The following KRT83 variants were observed in gnomAD, a reference collection of about 807,000 sequenced individuals.
KRT83 encodes keratin, type II cuticular Hb3.
Under a neutral mutation model 52.9 loss-of-function variants are expected in KRT83, and 51 were observed. The observed-to-expected ratio is 0.96, with a 90% CI of 0.77 to 1.22. KRT83 has a LOEUF of 1.22. Among genes scored for constraint, KRT83 ranks in the 50% most tolerant of loss-of-function variants. The pLI, the probability that KRT83 is intolerant of heterozygous loss-of-function variation, is 0.00. For missense variants in KRT83, 654 were observed against 666.5 expected (o/e 0.98, Z 0.21); for synonymous variants, 278 against 274.1 (o/e 1.01, Z -0.14).
chr12:52,318,056 G>A (rs1565755713), intron 2 of KRT83, 86 bp from the exon 3 acceptor site: 3 of 1,236,872 alleles, frequency 2.4e-6, no homozygotes, highest in Non-Finnish European at 3.6e-6. Flanking sequence ...CTCTTTCCTA[G>A]ACCTCCCCCT....
intron 4 of KRT83, 25 bp from the exon 5 acceptor site, chr12:52,317,048 A>G (rs1938699640): frequency 6.2e-7 from 1 of 1,614,184 alleles, no homozygotes; most frequent in East Asian, 2.2e-5. Context: ...GAAAGGAAGG[A>G]CAACTCACTT....
At chr12:52,315,539 T>C (rs1199048024) in intron 7 of KRT83, among the ~76,000 whole-genome samples, 196 bp from the exon 8 acceptor site, 11 of 152,196 alleles carry the variant, frequency 7.2e-5, no homozygotes, top group Non-Finnish European at 1.6e-4. Context: ...TAGAGTATGG[T>C]TGGATTTCAA....
intron 4 of KRT83, among the ~76,000 whole-genome samples, chr12:52,317,438 G>C (rs1938704392): frequency 1.3e-5 from 2 of 152,308 alleles, no homozygotes; most frequent in Non-Finnish European, 2.9e-5. Flanking sequence ...AGGATGCAGG[G>C]CAGGTTCCCA....
At chr12:52,316,320 A>G (rs1938686662) in intron 6 of KRT83, 148 bp downstream of exon 6, 3 of 1,307,190 alleles carry the variant, frequency 2.3e-6, no homozygotes, top group Admixed American at 4.0e-5. Context: ...GGCCAAGACA[A>G]TCAGAAATAT....
chr12:52,319,332 C>T lies in KRT83; in HGVS notation c.417G>A (p.Leu139=). ...TTTGGTAGAACTGCAGCTTTGTCTC[C>T]AGCAGCTTGTTCTGCTGCTCCAGGA... is the stretch of plus-strand genomic sequence containing the variant. ...VRFLEQQNKL[L]ETKLQFYQNR... The change falls in exon 2 of 9, where the codon CTG becomes CTA. Residue 139 remains leucine (L), a synonymous_variant. Coordinates refer to ENST00000293670, the MANE Select transcript of KRT83 (RefSeq NM_002282.3). 2 of 1,614,062 alleles carry T rather than the reference C, an allele frequency of 1.2e-6. No individual in the cohort carries two copies.
In KRT83 at chr12:52,317,503, T is replaced by C. The variant is rs547146564; in HGVS notation, c.750+178A>G. Among the ~76,000 whole-genome samples, 3 of 152,280 alleles carry C rather than the reference T, an allele frequency of 2.0e-5. No homozygotes were observed. In the South Asian group the frequency reaches 6.2e-4, roughly 32 times the overall value. On this transcript the variant is annotated intron_variant, in intron 4 of 8. Coordinates refer to ENST00000293670, the MANE Select transcript of KRT83 (RefSeq NM_002282.3). ...CTGCCCCTTACTAAATTTGTTCCTT[T>C]TTGGCTTTCCATCCGTTTGCCTCCC...
chr12:52,316,077 G>A lies in KRT83; in HGVS notation c.1078C>T (p.Gln360Ter). The change falls in exon 7 of 9, where the codon CAG (glutamine) becomes TAG (stop). Residue 360 changes from glutamine (Q) to a stop codon, truncating the protein, a stop_gained. Coordinates refer to ENST00000293670, the MANE Select transcript of KRT83 (RefSeq NM_002282.3). LOFTEE classifies it high-confidence loss of function. The stretch of plus-strand genomic sequence containing the variant: ...TCACTGAGGGCCGCCTCACCCTGCT[G>A]CTCAGACTGGGCCACCGCAGCTTCC... The part of the protein sequence containing the change: ...KLEAAVAQSE[Q>*]QGEAALSDAR... The A allele has an allele frequency of 6.2e-7, 1 of 1,613,688 alleles. No homozygotes were observed. The highest frequency in any genetic ancestry group is 8.5e-7 in the Non-Finnish European group (1 of 1,179,854).
At chr12:52,317,539 C>T in intron 4 of KRT83, 142 bp downstream of exon 4, 1 of 1,011,132 alleles carries the variant, frequency 9.9e-7, no homozygotes, top group Non-Finnish European at 1.6e-6. Flanking sequence ...TGTTCCTTCC[C>T]TCTCCTTGCT....
chr12:52,316,743 T>C, intron 5 of KRT83, 116 bp downstream of exon 5: 1 of 1,599,696 alleles, frequency 6.3e-7, no homozygotes, highest in Non-Finnish European at 8.6e-7. Flanking sequence ...GAGCTATTGG[T>C]TTTTCTCTTA....
chr12:52,320,180 A>T (rs1044434767), intron 1 of KRT83, among the ~76,000 whole-genome samples: 2 of 151,362 alleles, frequency 1.3e-5, no homozygotes, highest in Non-Finnish European at 2.9e-5. Flanking sequence ...TTTTTTCCCG[A>T]TCCTTTCTGG....
chr12:52,317,058 T>G, intron 4 of KRT83, 35 bp from the exon 5 acceptor site: 2 of 1,614,004 alleles, frequency 1.2e-6, no homozygotes, highest in Non-Finnish European at 1.7e-6. Context: ...ACAACTCACT[T>G]ATCTGGGCTT....
At position 52,315,907 on chromosome 12, in the gene KRT83, C is replaced by T; in HGVS notation, c.1248G>A (p.Glu416=). 6.2e-7 allele frequency: 1 copy of T among 1,612,590 alleles called. No individual in the cohort carries two copies. Among genetic ancestry groups the T allele is most frequent in the Non-Finnish European group, 8.5e-7 (1 of 1,179,890 alleles). Residue 416 remains glutamate, a synonymous_variant, in exon 7 of 9, where the codon GAG becomes GAA. Coordinates refer to ENST00000293670, the MANE Select transcript of KRT83 (RefSeq NM_002282.3). ...GTTGGACCCACCTCTGCTCCTCGCC[C>T]TCCAGCAGGCGCCTGTAGGTGGCGA... The part of the protein sequence containing the change: ...IEIATYRRLL[E]GEEQRLCEGV...
chr12:52,320,806 T>C, intron 1 of KRT83, 146 bp downstream of exon 1: 1 of 1,519,918 alleles, frequency 6.6e-7, no homozygotes, highest in African/African-American at 1.4e-5. Flanking sequence ...TCTTTCTGTC[T>C]GTGTCCTAGA....
intron 2 of KRT83, among the ~76,000 whole-genome samples, chr12:52,318,625 C>G (rs1355126847): frequency 6.6e-6 from 1 of 152,128 alleles, no homozygotes; most frequent in Admixed American, 6.5e-5. Context: ...AAGCTGGCCA[C>G]CCCTCAAAAG....
chr12:52,316,995 G>C lies in KRT83; in HGVS notation c.779C>G (p.Ser260Ter). The C allele has an allele frequency of 1.9e-6, 3 of 1,614,210 alleles. No homozygotes were observed. Among genetic ancestry groups the C allele is most frequent in the Non-Finnish European group, 2.5e-6 (3 of 1,180,048 alleles). The change falls in exon 5 of 9, where the codon TCA (serine) becomes TGA (stop). Residue 260 changes from serine to a stop codon, truncating the protein, a stop_gained. Coordinates refer to ENST00000293670, the MANE Select transcript of KRT83 (RefSeq NM_002282.3). LOFTEE classifies it high-confidence loss of function. ...CAGCTTGACAACCACGGAGGTGTCT[G>C]AGATGTGGGATTGGAGAATGCGGAT... Reference protein sequence around the residue: ...EEIRILQSHISDTSVVVKLDN... With the variant: ...EEIRILQSHI
At position 52,317,663 on chromosome 12, in the gene KRT83, T is replaced by C; in HGVS notation, c.750+18A>G. 2 of 1,611,230 alleles carry C rather than the reference T, an allele frequency of 1.2e-6. No homozygotes were observed. The highest frequency in any genetic ancestry group is 1.7e-6 in the Non-Finnish European group (2 of 1,179,120). ...CCCATGGGGGGATCTGTGCCCACCATGGTTGAGAGCCCCTCACCTCCTCGT... is the reference window on the plus strand; with the variant it reads ...CCCATGGGGGGATCTGTGCCCACCACGGTTGAGAGCCCCTCACCTCCTCGT... On this transcript the variant is annotated intron_variant, in intron 4 of 8. Coordinates refer to ENST00000293670, the MANE Select transcript of KRT83 (RefSeq NM_002282.3).
rs573598308 is a variant in KRT83 at position 52,321,393 on chromosome 12, G to T, written c.-58C>A. ...TAGATGGCAGAGGATGGAACCAAGG[G>T]CCTGTGCTCCCTGGCTGATGGCAGG... is the stretch of plus-strand genomic sequence containing the variant. On this transcript the variant is annotated 5_prime_UTR_variant, in exon 1 of 9. Transcript: ENST00000293670. 597 of 1,609,516 alleles carry T rather than the reference G, an allele frequency of 3.7e-4. No homozygotes were observed. The highest frequency in any genetic ancestry group is 4.6e-4 in the Non-Finnish European group (542 of 1,176,482).
In KRT83 at chr12:52,317,905, C is replaced by T. The variant is rs1408712719; in HGVS notation, c.654+5G>A. 7 of 1,614,188 alleles carry T rather than the reference C, an allele frequency of 4.3e-6. No homozygotes were observed. The highest frequency in any genetic ancestry group is 1.7e-5 in the Admixed American group (1 of 60,026). On this transcript the variant is annotated splice_donor_5th_base_variant and intron_variant, in intron 3 of 8. Coordinates refer to ENST00000293670, the MANE Select transcript of KRT83 (RefSeq NM_002282.3). ...CGGGCTCAGGGCCAGCTGGGCTTCA[C>T]TCACCTTCTTTAGAGCCACAAACTC...
intron 6 of KRT83, 148 bp from the exon 7 acceptor site, chr12:52,316,261 T>TACACACACACACACTC: frequency 1.2e-6 from 1 of 810,432 alleles, no homozygotes; most frequent in Non-Finnish European, 2.0e-6. Flanking sequence ...TCACTTACAC[T>TACACACACACACACTC]ACACACACAC....
Sources: allele counts gnomAD v4.1 joint callset (sites outside exome capture counted in the v4.1 genomes callset), GRCh38; gene constraint gnomAD v4.1.1; transcripts MANE v1.5; gene names NCBI Gene and HGNC (gene_info 2026-07-23, HGNC 2026-07-21).